The following KAZN variants were observed in gnomAD, a reference collection of about 807,000 sequenced individuals.
KAZN encodes the protein kazrin, periplakin interacting protein.
In KAZN, 40 loss-of-function variants were observed where a neutral mutation model predicts 87.4. The observed-to-expected ratio is 0.46, with a 90% CI of 0.36 to 0.60. The LOEUF is 0.60. Ranked by LOEUF, KAZN falls within the 20% of genes least tolerant of loss-of-function variation. The pLI is 0.00. For missense variants in KAZN, 898 were observed against 1,073.9 expected, an observed-to-expected ratio of 0.84 and a Z score of 2.29; for synonymous variants, 466 against 458.3, an observed-to-expected ratio of 1.02 and a Z score of -0.22.
chr1:14,738,389 C>A (rs193052367), intron 1 of KAZN, among the ~76,000 whole-genome samples: 2 of 152,022 alleles, frequency 1.3e-5, no homozygotes. Flanking sequence ...GTGCCCTGAA[C>A]CCTGGCTGCT....
At chr1:13,927,057 A>T (rs1273139803) in intron 1 of KAZN, among the ~76,000 whole-genome samples, 1 of 152,210 alleles carries the variant, frequency 6.6e-6, no homozygotes, top group Admixed American at 6.5e-5. Context: ...CGTGGCAGCT[A>T]TGCTAAAAAA....
chr1:14,082,495 A>G (rs1167027234), intron 1 of KAZN, among the ~76,000 whole-genome samples: 1 of 152,050 alleles, frequency 6.6e-6, no homozygotes, highest in Non-Finnish European at 1.5e-5. Flanking sequence ...CTGCCCGGAG[A>G]TGCAAGTCAA....
At chr1:14,447,265 A>G (rs1402943887) in intron 2 of KAZN, among the ~76,000 whole-genome samples, 2 of 134,428 alleles carry the variant, frequency 1.5e-5, no homozygotes, top group African/African-American at 6.1e-5. Flanking sequence ...TTGAGGCAGA[A>G]TTTTGCTCTG....
chr1:14,189,187 T>G (rs1646374394), intron 2 of KAZN, among the ~76,000 whole-genome samples: 1 of 152,192 alleles, frequency 6.6e-6, no homozygotes, highest in Non-Finnish European at 1.5e-5. Flanking sequence ...GATGGTGACC[T>G]GGCTATTTTA....
At chr1:14,936,019 G>A (rs1391606882) in intron 1 of KAZN, among the ~76,000 whole-genome samples, 1 of 152,266 alleles carries the variant, frequency 6.6e-6, no homozygotes, top group Admixed American at 6.5e-5. Flanking sequence ...TGCCCTTGGG[G>A]ACGCCTGGAC....
At chr1:14,377,850 G>A (rs1001669284) in intron 2 of KAZN, among the ~76,000 whole-genome samples, 2 of 152,090 alleles carry the variant, frequency 1.3e-5, no homozygotes, top group African/African-American at 4.8e-5. Flanking sequence ...ACAGGTTTTA[G>A]CAACATCCCT....
chr1:14,732,685 A>G (rs1244346407), intron 1 of KAZN, among the ~76,000 whole-genome samples: 2 of 152,158 alleles, frequency 1.3e-5, no homozygotes, highest in Non-Finnish European at 2.9e-5. Flanking sequence ...TTTTCTTTCA[A>G]CATATATGTA....
At chr1:14,276,851 T>C (rs1012092155) in intron 2 of KAZN, among the ~76,000 whole-genome samples, 7 of 152,240 alleles carry the variant, frequency 4.6e-5, no homozygotes, top group Non-Finnish European at 7.3e-5. Flanking sequence ...TTTTCTAATG[T>C]TGAACCAATC....
chr1:14,356,291 ATTTG>A (rs1298459286), intron 2 of KAZN, among the ~76,000 whole-genome samples: 1 of 152,000 alleles, frequency 6.6e-6, no homozygotes, highest in African/African-American at 2.4e-5. Flanking sequence ...TCTCTTGTAA[ATTTG>A]TTTGAGTTCC....
At chr1:13,905,618 G>C (rs1206997517) in intron 1 of KAZN, among the ~76,000 whole-genome samples, 1 of 152,190 alleles carries the variant, frequency 6.6e-6, no homozygotes, top group East Asian at 1.9e-4. Flanking sequence ...AAGTATTGTA[G>C]TTCTAATTCC....
At chr1:14,822,520 T>A (rs1646763173) in intron 1 of KAZN, among the ~76,000 whole-genome samples, 1 of 152,152 alleles carries the variant, frequency 6.6e-6, no homozygotes, top group Non-Finnish European at 1.5e-5. Flanking sequence ...GGGAGGGAAT[T>A]GGAGGCTGGG....
chr1:15,079,796 CG>C (rs1367978912), intron 8 of KAZN, among the ~76,000 whole-genome samples: 1 of 152,154 alleles, frequency 6.6e-6, no homozygotes, highest in Non-Finnish European at 1.5e-5. Flanking sequence ...AGATGGGCTT[CG>C]GCTGCACTTG....
At chr1:14,433,183 C>A (rs1389003130) in intron 2 of KAZN, among the ~76,000 whole-genome samples, 2 of 152,166 alleles carry the variant, frequency 1.3e-5, no homozygotes. Flanking sequence ...TGTGACGCCA[C>A]TCCTGCCAGT....
intron 2 of KAZN, among the ~76,000 whole-genome samples, chr1:14,405,612 G>A (rs867641521): frequency 4.1e-4 from 60 of 145,776 alleles, no homozygotes; most frequent in East Asian, 1.6e-3. Context: ...TAAAATGTGT[G>A]TGTGTGTGTG....
chr1:14,229,718 ACTTGAGGGACACCAGCCTTCATTT>A (rs1368171533), intron 2 of KAZN, among the ~76,000 whole-genome samples: 1 of 152,246 alleles, frequency 6.6e-6, no homozygotes, highest in Non-Finnish European at 1.5e-5. Flanking sequence ...AGGAATCCGC[ACTTGAGGGACACCAGCCTTCATTT>A]CTTAGATTTC....
chr1:14,976,280 C>T (rs1333504303), intron 2 of KAZN, among the ~76,000 whole-genome samples: 1 of 152,092 alleles, frequency 6.6e-6, no homozygotes, highest in African/African-American at 2.4e-5. Context: ...ATGATTCTCC[C>T]ATCTCAGCCT....
chr1:14,179,206 C>T (rs1485903170), intron 1 of KAZN, among the ~76,000 whole-genome samples: 1 of 152,198 alleles, frequency 6.6e-6, no homozygotes, highest in Non-Finnish European at 1.5e-5. Context: ...AGCCCTCCTG[C>T]TCTTTTAGAA....
At chr1:14,817,053 C>T (rs1208686025) in intron 1 of KAZN, among the ~76,000 whole-genome samples, 7 of 152,216 alleles carry the variant, frequency 4.6e-5, no homozygotes, top group African/African-American at 1.2e-4. Context: ...GTTCAGACCA[C>T]GCCCTCCTGC....
chr1:14,430,824 G>A (rs1666021368), intron 2 of KAZN, among the ~76,000 whole-genome samples: 1 of 152,192 alleles, frequency 6.6e-6, no homozygotes, highest in African/African-American at 2.4e-5. Context: ...GTGGAAAGGA[G>A]GGCAAAACCC....
Sources: allele counts gnomAD v4.1 joint callset (sites outside exome capture counted in the v4.1 genomes callset), GRCh38; gene constraint gnomAD v4.1.1; transcripts MANE v1.5; gene names NCBI Gene and HGNC (gene_info 2026-07-23, HGNC 2026-07-21).